RBL1: variants seen among roughly 807,000 people sequenced by gnomAD.
RBL1 encodes retinoblastoma-like protein 1.
Under a neutral mutation model 123.0 loss-of-function variants are expected in RBL1, and 82 were observed. The observed-to-expected ratio is 0.67, with a 90% CI of 0.56 to 0.80. RBL1 has a LOEUF of 0.80. Among genes scored for constraint, RBL1 ranks in the 30% least tolerant of loss-of-function variants. The pLI is 0.00. For missense variants in RBL1, 1,171 were observed against 1,299.6 expected (o/e 0.90, Z 1.52); for synonymous variants, 405 against 441.3 (o/e 0.92, Z 1.03).
At chr20:37,093,045 T>C (rs2146341499) in intron 1 of RBL1, among the ~76,000 whole-genome samples, 1 of 152,166 alleles carries the variant, frequency 6.6e-6, no homozygotes, top group East Asian at 1.9e-4. Flanking sequence ...ATATACAAGC[T>C]ATAAGAAGAA....
intron 2 of RBL1, among the ~76,000 whole-genome samples, chr20:37,084,612 C>T (rs960631103): frequency 2.6e-5 from 4 of 152,034 alleles, no homozygotes; most frequent in Admixed American, 1.3e-4. Flanking sequence ...AGTGAGGGAT[C>T]GCTTGAGCCT....
intron 16 of RBL1, among the ~76,000 whole-genome samples, chr20:37,024,364 AAGG>A (rs2064388933): frequency 6.6e-6 from 1 of 152,198 alleles, no homozygotes; most frequent in South Asian, 2.1e-4. Context: ...ATATTCATGA[AAGG>A]AGAAGATAAG....
chr20:37,073,335 A>C (rs909542272), intron 2 of RBL1, among the ~76,000 whole-genome samples: 1 of 152,206 alleles, frequency 6.6e-6, no homozygotes, highest in African/African-American at 2.4e-5. Context: ...TCATAATTAC[A>C]GTTTTTAAAA....
In RBL1 at chr20:37,061,041, A is replaced by G. The variant is rs991533226; in HGVS notation, c.1250+62T>C. On this transcript the variant is annotated intron_variant, in intron 9 of 21. Coordinates refer to ENST00000373664, the MANE Select transcript of RBL1 (RefSeq NM_002895.5). ...TGAGAATTCTGAATATACTAAAAATAGAATGGAACAAGAAATCTAATTTTA... is the reference window on the plus strand; with the variant it reads ...TGAGAATTCTGAATATACTAAAAATGGAATGGAACAAGAAATCTAATTTTA... 3 of 1,433,382 alleles carry G rather than the reference A, an allele frequency of 2.1e-6. No individual in the cohort carries two copies. The African/African-American group carries it at 4.3e-5, about 21-fold the overall frequency. The allele number at this position is 1,433,382 out of a possible 1,614,324, so 88.8% of individuals were successfully genotyped here. A position where few individuals can be genotyped will look rare whatever the true frequency, so the allele number is the denominator to read the frequency against.
intron 2 of RBL1, among the ~76,000 whole-genome samples, chr20:37,074,820 G>A (rs1023558739): frequency 1.3e-5 from 2 of 152,074 alleles, no homozygotes; most frequent in African/African-American, 4.8e-5. Flanking sequence ...GTGAGACTCT[G>A]TCTCAAAGAA....
intron 9 of RBL1, among the ~76,000 whole-genome samples, chr20:37,056,895 A>G (rs1274610891): frequency 6.6e-6 from 1 of 152,170 alleles, no homozygotes; most frequent in Non-Finnish European, 1.5e-5. Context: ...ACTTCACTTA[A>G]CATAATGTAC....
intron 2 of RBL1, among the ~76,000 whole-genome samples, chr20:37,078,057 T>C (rs1457598082): frequency 1.3e-5 from 2 of 152,284 alleles, no homozygotes; most frequent in Non-Finnish European, 2.9e-5. Flanking sequence ...GTCAGTTATT[T>C]GTAGTATGTC....
intron 9 of RBL1, among the ~76,000 whole-genome samples, chr20:37,059,092 AT>A (rs1272302984): frequency 6.6e-6 from 1 of 151,638 alleles, no homozygotes; most frequent in Non-Finnish European, 1.5e-5. Flanking sequence ...CCTTTTTCTT[AT>A]TGACATATTT....
chr20:37,004,486 G>T, intron 20 of RBL1, among the ~76,000 whole-genome samples: 1 of 149,106 alleles, frequency 6.7e-6, no homozygotes, highest in East Asian at 2.0e-4. Context: ...GCTGAGATGG[G>T]CGGATCACCT....
At chr20:37,085,140 T>C (rs375984270) in intron 2 of RBL1, among the ~76,000 whole-genome samples, 2 of 143,868 alleles carry the variant, frequency 1.4e-5, no homozygotes, top group Non-Finnish European at 3.2e-5. Context: ...TTCTTTTTTT[T>C]TTTTTTTTGA....
At chr20:37,024,219 CA>C (rs1018221484) in intron 16 of RBL1, among the ~76,000 whole-genome samples, 1 of 152,072 alleles carries the variant, frequency 6.6e-6, no homozygotes, top group Non-Finnish European at 1.5e-5. Flanking sequence ...TAAAGAGAGA[CA>C]AACAGTTGAC....
intron 21 of RBL1, among the ~76,000 whole-genome samples, chr20:36,999,201 G>A (rs2063923457): frequency 6.6e-6 from 1 of 152,126 alleles, no homozygotes; most frequent in Non-Finnish European, 1.5e-5. Flanking sequence ...GAGCCCAGGA[G>A]TTTCAGACCA....
At chr20:37,092,116 G>A (rs1391103380) in intron 1 of RBL1, among the ~76,000 whole-genome samples, 3 of 151,988 alleles carry the variant, frequency 2.0e-5, no homozygotes, top group Non-Finnish European at 2.9e-5. Context: ...GGTGGTATGC[G>A]CCTGTAGTCC....
In RBL1 at chr20:37,020,690, C is replaced by G; in HGVS notation, c.2600G>C (p.Ser867Thr). 1.9e-6 allele frequency: 3 copies of G among 1,589,130 alleles called. No homozygotes were observed. The highest frequency in any genetic ancestry group is 2.6e-6 in the Non-Finnish European group (3 of 1,165,628). The part of the protein sequence containing the change: ...EERTFQEIMK[S>T]YRNQPQANSH... ...ATTAGCTTGGGGCTGATTCCTATAACTTTTCATAATTTCTTGAAAAGTTCT... is the reference window on the plus strand; with the variant it reads ...ATTAGCTTGGGGCTGATTCCTATAAGTTTTCATAATTTCTTGAAAAGTTCT... Residue 867 changes from serine (S) to threonine (T), a missense_variant, in exon 18 of 22, where the codon AGT becomes ACT. Transcript: ENST00000373664.
chr20:37,000,305 C>T (rs1381324128), intron 21 of RBL1, among the ~76,000 whole-genome samples: 4 of 150,438 alleles, frequency 2.7e-5, no homozygotes, highest in African/African-American at 9.8e-5. Context: ...GCAGCCACCC[C>T]GTCTGGGAGG....
Position 36,996,767 on chromosome 20 carries a change from A to G in RBL1, c.*1992T>C, listed in dbSNP as rs959153629. On this transcript the variant is annotated 3_prime_UTR_variant, in exon 22 of 22. Coordinates refer to ENST00000373664, the MANE Select transcript of RBL1 (RefSeq NM_002895.5). ...GGTTTCTTATACAGTCAATGTACAA[A>G]TGCTCATTTATATTTTGCACAATAA... 6.6e-6 allele frequency: 1 copy of G among 152,224 alleles called. No homozygotes were observed. The highest frequency in any genetic ancestry group is 2.4e-5 in the African/African-American group (1 of 41,452). The allele number at this position is 152,224 out of a possible 1,614,324, so 9.4% of individuals were successfully genotyped here. A position where few individuals can be genotyped will look rare whatever the true frequency, so the allele number is the denominator to read the frequency against.
chr20:37,000,347 C>A (rs1210980759), intron 21 of RBL1, among the ~76,000 whole-genome samples: 2 of 150,096 alleles, frequency 1.3e-5, no homozygotes, highest in South Asian at 2.1e-4. Flanking sequence ...CCCGGCCAGC[C>A]GCCCCGTCCA....
At chr20:37,075,001 T>C (rs1390680969) in intron 2 of RBL1, among the ~76,000 whole-genome samples, 1 of 152,086 alleles carries the variant, frequency 6.6e-6, no homozygotes, top group Non-Finnish European at 1.5e-5. Context: ...ATAAACAAAA[T>C]GTGGTATATC....
chr20:37,017,620 T>TGTGTGTGTGTGTGTGTGTGTGTGTG (rs1600471145), intron 19 of RBL1, among the ~76,000 whole-genome samples: 1 of 139,722 alleles, frequency 7.2e-6, no homozygotes, highest in African/African-American at 2.8e-5. Context: ...GGACATTTTC[T>TGTGTGTGTGTGTGTGTGTGTGTGTG]TGTGTGTGTG....
Sources: allele counts gnomAD v4.1 joint callset (sites outside exome capture counted in the v4.1 genomes callset), GRCh38; gene constraint gnomAD v4.1.1; transcripts MANE v1.5; gene names NCBI Gene and HGNC (gene_info 2026-07-23, HGNC 2026-07-21).